Variants in FOLH1 observed in about 807,000 individuals in gnomAD.
FOLH1 encodes glutamate carboxypeptidase 2.
A neutral mutation model predicts 93.9 loss-of-function variants in FOLH1; 54 were observed. That is an observed-to-expected ratio of 0.57 (90% CI 0.46 to 0.72). The LOEUF (loss-of-function observed/expected upper bound fraction) is 0.72. Among genes scored for constraint, FOLH1 ranks in the 30% least tolerant of loss-of-function variants. FOLH1 has a pLI of 0.00. For synonymous variants in FOLH1, 249 were observed against 303.6 expected, an observed-to-expected ratio of 0.82 and a Z score of 1.87; for missense variants, 571 against 892.5, an observed-to-expected ratio of 0.64 and a Z score of 4.59.
intron 7 of FOLH1, among the ~76,000 whole-genome samples, chr11:49,176,330 A>G (rs1860038691): frequency 6.6e-6 from 1 of 152,192 alleles, no homozygotes; most frequent in Non-Finnish European, 1.5e-5. Context: ...TTCCATTCTT[A>G]TTTGTCTCAC....
intron 7 of FOLH1, among the ~76,000 whole-genome samples, chr11:49,178,388 T>C (rs36032101): frequency 1.1e-4 from 17 of 152,336 alleles, no homozygotes; most frequent in Admixed American, 9.2e-4. Flanking sequence ...TCCTTTTGAA[T>C]TGTGAACTTT....
intron 10 of FOLH1, 55 bp downstream of exon 10, chr11:49,173,302 G>C (rs1360077938): frequency 1.3e-6 from 2 of 1,561,880 alleles, no homozygotes; most frequent in Non-Finnish European, 1.7e-6. Flanking sequence ...CTTTACAGAA[G>C]ACTAAACTGA....
rs750052979 is a variant in FOLH1, at chr11:49,164,779, A to T, written c.1373-7T>A. 5 of 1,588,108 alleles carry T rather than the reference A, an allele frequency of 3.1e-6. No individual in the cohort carries two copies. The Admixed American group carries it at 6.8e-5, about 21-fold the overall frequency. ...ACTCTCAGAGTGTAGTTTCCTGAAAAATAAGAAAAGAATAGATTTTAAAAT... is the reference window on the plus strand; with the variant it reads ...ACTCTCAGAGTGTAGTTTCCTGAAATATAAGAAAAGAATAGATTTTAAAAT... On this transcript the variant is annotated splice_polypyrimidine_tract_variant and splice_region_variant and intron_variant, in intron 12 of 18. Coordinates refer to ENST00000256999, the MANE Select transcript of FOLH1 (RefSeq NM_004476.3).
At chr11:49,178,247 T>C (rs1340654847) in intron 7 of FOLH1, among the ~76,000 whole-genome samples, 1 of 152,180 alleles carries the variant, frequency 6.6e-6, no homozygotes, top group African/African-American at 2.4e-5. Flanking sequence ...CCTCTGCATT[T>C]TGCAGTGGAC....
intron 15 of FOLH1, 115 bp from the exon 16 acceptor site, chr11:49,154,607 T>C (rs1590422270): frequency 1.3e-6 from 2 of 1,484,438 alleles, no homozygotes; most frequent in Non-Finnish European, 1.8e-6. Context: ...AGGAAAGTAC[T>C]TAAGCATCTC....
chr11:49,178,304 G>A (rs1168050160), intron 7 of FOLH1, among the ~76,000 whole-genome samples: 1 of 152,176 alleles, frequency 6.6e-6, no homozygotes, highest in African/African-American at 2.4e-5. Flanking sequence ...AGAGAACTAT[G>A]CTAATACACT....
intron 6 of FOLH1, among the ~76,000 whole-genome samples, chr11:49,185,306 C>T (rs1325580039): frequency 6.6e-6 from 1 of 152,012 alleles, no homozygotes; most frequent in Non-Finnish European, 1.5e-5. Flanking sequence ...TTATTCCCCG[C>T]CCCCCACTTA....
At chr11:49,181,529 TATA>T (rs900742773) in intron 7 of FOLH1, among the ~76,000 whole-genome samples, 17 of 152,272 alleles carry the variant, frequency 1.1e-4, no homozygotes, top group South Asian at 6.2e-4. Flanking sequence ...TGGTACTACA[TATA>T]ATATCTTTTA....
intron 13 of FOLH1, among the ~76,000 whole-genome samples, chr11:49,163,623 C>T (rs1324695384): frequency 1.3e-5 from 2 of 151,722 alleles, no homozygotes; most frequent in African/African-American, 2.4e-5. Context: ...GGCCTGCAGA[C>T]CATCACTGCT....
intron 7 of FOLH1, among the ~76,000 whole-genome samples, chr11:49,181,094 G>T (rs1328266614): frequency 6.7e-6 from 1 of 148,484 alleles, no homozygotes; most frequent in East Asian, 2.0e-4. Flanking sequence ...GATAATACAG[G>T]TTCATGTTTT....
At chr11:49,207,936 AAAAC>A (rs71454047) in intron 1 of FOLH1, 51,221 of 487,296 alleles carry the variant, frequency 0.11, 2,954 homozygotes, top group Non-Finnish European at 0.13. Context: ...GAGAGGTAAA[AAAAC>A]AAACAAACAA....
In FOLH1 at chr11:49,148,721, A is replaced by G; in HGVS notation, c.1981T>C (p.Leu661=). 6.3e-7 allele frequency: 1 copy of G among 1,595,962 alleles called. No homozygotes were observed. The highest frequency in any genetic ancestry group is 8.5e-7 in the Non-Finnish European group (1 of 1,172,356). Residue 661 remains leucine (L), a synonymous_variant, in exon 18 of 19, where the codon TTA becomes CTA. Transcript: ENST00000256999. ...ATGAGTTGATCATTCATCATTCTTA[A>G]TACTATTGGGCTGAGAAAGAAAATG... is the stretch of plus-strand genomic sequence containing the variant. ...QDFDKSNPIV[L]RMMNDQLMFL... is the part of the protein sequence containing the mutation.
chr11:49,176,815 T>G (rs1860098261), intron 7 of FOLH1, among the ~76,000 whole-genome samples: 1 of 120,610 alleles, frequency 8.3e-6, no homozygotes, highest in Non-Finnish European at 1.7e-5. Flanking sequence ...ACGGGCATTT[T>G]GTTCCTTAAC....
chr11:49,164,490 G>A (rs1022745466), intron 13 of FOLH1, among the ~76,000 whole-genome samples: 6 of 152,186 alleles, frequency 3.9e-5, no homozygotes, highest in African/African-American at 1.4e-4. Flanking sequence ...TAGACATGAT[G>A]CTACTAATGG....
At chr11:49,180,202 G>T (rs1345340794) in intron 7 of FOLH1, among the ~76,000 whole-genome samples, 1 of 152,186 alleles carries the variant, frequency 6.6e-6, no homozygotes, top group Non-Finnish European at 1.5e-5. Flanking sequence ...TGTTTTATAG[G>T]TTAATTGAGG....
chr11:49,146,622 A>G lies in FOLH1; in HGVS notation c.*134T>C, dbSNP rs1273853870. ...ACAATATAAACACACACATATATAA[A>G]CACTCACATAACTATATATAATATT... On this transcript the variant is annotated 3_prime_UTR_variant, in exon 19 of 19. Coordinates refer to ENST00000256999, the MANE Select transcript of FOLH1 (RefSeq NM_004476.3). 1 of 658,436 alleles carries G rather than the reference A, an allele frequency of 1.5e-6. No individual in the cohort carries two copies. The highest frequency in any genetic ancestry group is 1.9e-5 in the African/African-American group (1 of 54,012). 40.8% of individuals were successfully genotyped at this position (658,436 alleles called of 1,614,324 possible).
intron 4 of FOLH1, among the ~76,000 whole-genome samples, chr11:49,187,405 A>T (rs1438811844): frequency 1.3e-5 from 2 of 152,226 alleles, no homozygotes; most frequent in African/African-American, 2.4e-5. Flanking sequence ...AAAATTTAAA[A>T]TTTTTTATCA....
chr11:49,194,779 T>A (rs1473392614), intron 3 of FOLH1, among the ~76,000 whole-genome samples: 2 of 151,906 alleles, frequency 1.3e-5, no homozygotes, highest in Non-Finnish European at 2.9e-5. Flanking sequence ...AAAAAAAATT[T>A]TAGGACAAAG....
At chr11:49,198,438 C>T (rs553211314) in intron 3 of FOLH1, among the ~76,000 whole-genome samples, 1 of 151,548 alleles carries the variant, frequency 6.6e-6, no homozygotes, top group Non-Finnish European at 1.5e-5. Flanking sequence ...GCGGAGATAC[C>T]GCCACTGCAC....
Sources: gnomAD v4.1 joint callset for allele counts (sites outside exome capture counted in the v4.1 genomes callset) on GRCh38, gnomAD v4.1.1 for gene constraint, MANE v1.5 for transcripts, NCBI Gene and HGNC (gene_info 2026-07-23, HGNC 2026-07-21) for gene names.